Variants in TENM3 observed in about 807,000 individuals in gnomAD.
TENM3 encodes teneurin-3.
Under a neutral mutation model 255.1 loss-of-function variants are expected in TENM3, and 63 were observed. The observed-to-expected ratio is 0.25, with a 90% CI of 0.20 to 0.30. The LOEUF is 0.30. TENM3 is among the 10% of genes least tolerant of loss of function. The probability of loss-of-function intolerance (pLI) is 1.00; values close to 1 mark genes in which losing one functional copy is unlikely to be tolerated. For synonymous variants in TENM3, 1,306 were observed against 1,322.3 expected (o/e 0.99, Z 0.27); for missense variants, 2,929 against 3,461.1 (o/e 0.85, Z 3.86).
At chr4:181,748,539 A>G in the TENM3 span, among the ~76,000 whole-genome samples, 1 of 152,222 alleles carries the variant, frequency 6.6e-6, no homozygotes, top group South Asian at 2.1e-4. Context: ...CTAACACAAA[A>G]TATTTTGTCC....
chr4:182,436,260 G>A (rs1357124763), intron 3 of TENM3, among the ~76,000 whole-genome samples: 2 of 152,106 alleles, frequency 1.3e-5, no homozygotes, highest in East Asian at 3.9e-4. Flanking sequence ...TTATCCAAAC[G>A]GACCGAGTTC....
At chr4:181,904,977 T>G in the TENM3 span, among the ~76,000 whole-genome samples, 518 of 152,292 alleles carry the variant, frequency 3.4e-3, 2 homozygotes, top group African/African-American at 0.012. Context: ...CTGCCATCCA[T>G]GTAAGATGTG....
chr4:182,545,220 C>A (rs1741312632), intron 3 of TENM3, among the ~76,000 whole-genome samples: 2 of 152,134 alleles, frequency 1.3e-5, no homozygotes. Context: ...GACAACATAC[C>A]AGTGTATTTA....
chr4:182,510,118 G>A (rs1384026863), intron 3 of TENM3, among the ~76,000 whole-genome samples: 3 of 152,080 alleles, frequency 2.0e-5, no homozygotes, highest in Admixed American at 6.5e-5. Context: ...TCTCCACCAA[G>A]TTTTAGCCTC....
At chr4:182,421,311 A>G (rs1770817576) in intron 3 of TENM3, among the ~76,000 whole-genome samples, 2 of 152,186 alleles carry the variant, frequency 1.3e-5, no homozygotes, top group Admixed American at 1.3e-4. Context: ...GTGAGGGCTT[A>G]GAGAGATTAA....
chr4:182,390,875 C>G (rs1263150031), intron 3 of TENM3, among the ~76,000 whole-genome samples: 1 of 152,170 alleles, frequency 6.6e-6, no homozygotes, highest in African/African-American at 2.4e-5. Context: ...TTAACTTTTG[C>G]CCAATCTGGA....
chr4:181,824,912 C>T, the TENM3 span, among the ~76,000 whole-genome samples: 1 of 152,186 alleles, frequency 6.6e-6, no homozygotes, highest in Non-Finnish European at 1.5e-5. Context: ...CCACCGGGCA[C>T]TCACTGACAT....
chr4:182,157,185 C>T (rs557833182), intron 1 of TENM3, among the ~76,000 whole-genome samples: 47 of 152,168 alleles, frequency 3.1e-4, no homozygotes, highest in Non-Finnish European at 6.2e-4. Context: ...AACAAAGGGG[C>T]CCTGGGGCTC....
the TENM3 span, among the ~76,000 whole-genome samples, chr4:181,541,816 A>G: frequency 1.3e-5 from 2 of 152,218 alleles, no homozygotes; most frequent in Non-Finnish European, 2.9e-5. Context: ...TTTGCTGAAG[A>G]TAATTTTACT....
the TENM3 span, among the ~76,000 whole-genome samples, chr4:182,100,800 T>C: frequency 7.9e-4 from 3 of 3,782 alleles, no homozygotes; most frequent in South Asian, 0.029. Context: ...TATATACACA[T>C]ATATATACAC....
chr4:182,112,017 G>C, the TENM3 span, among the ~76,000 whole-genome samples: 154 of 152,166 alleles, frequency 1.0e-3, no homozygotes, highest in African/African-American at 3.5e-3. Context: ...TGGCTGGAAA[G>C]GGTGGCTCAC....
chr4:181,974,521 T>C, the TENM3 span, among the ~76,000 whole-genome samples: 1 of 151,978 alleles, frequency 6.6e-6, no homozygotes, highest in African/African-American at 2.4e-5. Context: ...TGAGCCGAGA[T>C]TGCGCTACTG....
chr4:181,731,860 A>G, the TENM3 span, among the ~76,000 whole-genome samples: 1 of 152,208 alleles, frequency 6.6e-6, no homozygotes, highest in African/African-American at 2.4e-5. Context: ...ATTTTTACGA[A>G]TAAATTTTAC....
the TENM3 span, among the ~76,000 whole-genome samples, chr4:181,654,432 T>C: frequency 6.6e-6 from 1 of 152,052 alleles, no homozygotes; most frequent in Non-Finnish European, 1.5e-5. Flanking sequence ...ATGTATTTAT[T>C]TGGGCTACAT....
chr4:182,581,755 G>T (rs1745516700), intron 3 of TENM3, among the ~76,000 whole-genome samples: 2 of 151,668 alleles, frequency 1.3e-5, no homozygotes, highest in African/African-American at 2.4e-5. Flanking sequence ...AAATAAAAAA[G>T]AAAAAAGAAT....
At chr4:181,500,987 T>C in the TENM3 span, among the ~76,000 whole-genome samples, 3 of 152,190 alleles carry the variant, frequency 2.0e-5, no homozygotes, top group Admixed American at 1.3e-4. Context: ...TAATCTCTTG[T>C]TGTGGCTTTT....
chr4:181,798,083 C>A, the TENM3 span, among the ~76,000 whole-genome samples: 10 of 105,202 alleles, frequency 9.5e-5, no homozygotes, highest in African/African-American at 1.2e-4. Context: ...ACGCATATTT[C>A]AAAATAAGTG....
intron 1 of TENM3, among the ~76,000 whole-genome samples, chr4:182,173,479 G>C (rs1467628455): frequency 6.6e-6 from 1 of 152,130 alleles, no homozygotes. Context: ...TTTGAGTAAA[G>C]CTTTCAATTA....
intron 20 of TENM3, among the ~76,000 whole-genome samples, chr4:182,752,870 C>T (rs558959927): frequency 6.6e-6 from 1 of 151,590 alleles, no homozygotes; most frequent in South Asian, 2.1e-4. Context: ...ATATTTGAAA[C>T]ATTCAGGTAT....
Sources: allele counts gnomAD v4.1 joint callset (sites outside exome capture counted in the v4.1 genomes callset), GRCh38; gene constraint gnomAD v4.1.1; transcripts MANE v1.5; gene names NCBI Gene and HGNC (gene_info 2026-07-23, HGNC 2026-07-21).